CASZ1: variants seen among roughly 807,000 people sequenced by gnomAD.
CASZ1 encodes castor zinc finger 1.
CASZ1 carries 28 observed loss-of-function variants against 135.2 expected under a neutral mutation model. The observed-to-expected ratio is 0.21, with a 90% CI of 0.15 to 0.28. CASZ1 has a LOEUF of 0.28. CASZ1 is among the 10% of genes least tolerant of loss of function. The pLI, the probability that CASZ1 is intolerant of heterozygous loss-of-function variation, is 1.00. For missense variants in CASZ1, 2,161 were observed against 2,453.3 expected (o/e 0.88, Z 2.52); for synonymous variants, 1,068 against 1,073.4 (o/e 0.99, Z 0.10).
intron 4 of CASZ1, among the ~76,000 whole-genome samples, chr1:10,685,375 C>T (rs945149548): frequency 1.3e-5 from 2 of 152,250 alleles, no homozygotes; most frequent in African/African-American, 4.8e-5. Flanking sequence ...GCTGAAAAAC[C>T]TCGGCAGCTG....
chr1:10,769,815 C>G (rs570787825), intron 1 of CASZ1, among the ~76,000 whole-genome samples: 1 of 152,090 alleles, frequency 6.6e-6, no homozygotes, highest in African/African-American at 2.4e-5. Context: ...CCACACCTGG[C>G]CAGAAGTAAT....
intron 12 of CASZ1, 40 bp downstream of exon 12, chr1:10,650,901 T>G: frequency 6.2e-7 from 1 of 1,607,004 alleles, no homozygotes; most frequent in Non-Finnish European, 8.5e-7. Context: ...CTCGAAGGTG[T>G]GGTTCCCGGG....
rs114278457 is a variant in CASZ1, at chr1:10,719,835, G to A, written c.-76-14291C>T. On this transcript the variant is annotated intron_variant, in intron 2 of 20. Transcript: ENST00000377022. This position sits in a 1 kb window ranked among gnomAD's most constrained non-coding sequence, Gnocchi z 4.0. ...CAGGCCTGGAACAGGCACCTCCGGG[G>A]TTCAAAGGCCCACAGAAGCCACCGG... Among the ~76,000 whole-genome samples the A allele has an allele frequency of 0.029, 4,458 of 152,342 alleles. 228 individuals carry two copies. Among genetic ancestry groups the A allele is most frequent in the African/African-American group, 0.1 (4,208 of 41,576 alleles).
Position 10,756,179 on chromosome 1 carries a change from G to A in CASZ1, c.-77+4522C>T, listed in dbSNP as rs987258866. ...GAGAGCCCCACCACTCCCGCAAGCC[G>A]CTGCCAGCCTGCACTTCTGCTCTCT... On this transcript the variant is annotated intron_variant, in intron 2 of 20. Coordinates refer to ENST00000377022, the MANE Select transcript of CASZ1 (RefSeq NM_001079843.3). The surrounding 1 kb of genome is among the most constrained non-coding windows in gnomAD (Gnocchi z 5.9). Among the ~76,000 whole-genome samples, 41 of 152,112 alleles carry A rather than the reference G, an allele frequency of 2.7e-4. No individual in the cohort carries two copies. The highest frequency in any genetic ancestry group is 5.6e-4 in the Non-Finnish European group (38 of 68,008).
chr1:10,773,607 G>A (rs1420769520), intron 1 of CASZ1, among the ~76,000 whole-genome samples: 2 of 152,032 alleles, frequency 1.3e-5, no homozygotes, highest in African/African-American at 2.4e-5. Context: ...AGAAGGCCTC[G>A]GCCTTCTAGC....
At chr1:10,645,677 C>T (rs1376327910) in intron 17 of CASZ1, among the ~76,000 whole-genome samples, 2 of 152,234 alleles carry the variant, frequency 1.3e-5, no homozygotes, top group East Asian at 3.9e-4. Context: ...GCAGACATCA[C>T]TGCTCTATAC....
chr1:10,779,528 G>A (rs143861680), intron 1 of CASZ1, among the ~76,000 whole-genome samples: 53 of 152,180 alleles, frequency 3.5e-4, no homozygotes, highest in South Asian at 1.2e-3. Flanking sequence ...GGGCCGACAC[G>A]TTGGCTTTGT....
chr1:10,733,354 C>T (rs6540946), intron 2 of CASZ1, among the ~76,000 whole-genome samples: 7,254 of 152,212 alleles, frequency 0.048, 372 homozygotes, highest in African/African-American at 0.13. Flanking sequence ...GTCCGACCAG[C>T]TAAACCTCTG....
rs1638261272 is a variant in CASZ1 at position 10,677,520 on chromosome 1, C to T, written c.17-11949G>A. ...TGGCTGGACACGGAGCTAAGGAGGGCAGCCTGCACTTAGGTCCAACGCACC... is the reference window on the plus strand; with the variant it reads ...TGGCTGGACACGGAGCTAAGGAGGGTAGCCTGCACTTAGGTCCAACGCACC... On this transcript the variant is annotated intron_variant, in intron 4 of 20. Transcript: ENST00000377022. Among the ~76,000 whole-genome samples the T allele has an allele frequency of 3.9e-5, 6 of 152,140 alleles. No individual in the cohort carries two copies. The South Asian group carries it at 1.2e-3, about 32-fold the overall frequency.
intron 20 of CASZ1, among the ~76,000 whole-genome samples, chr1:10,641,539 T>A (rs1642202146): frequency 6.6e-6 from 1 of 152,218 alleles, no homozygotes; most frequent in African/African-American, 2.4e-5. Context: ...CCACAGAGAC[T>A]TCCCTTACTG....
At position 10,756,783 on chromosome 1, in the gene CASZ1, C is replaced by CGGTCA. The variant is rs2100567802; in HGVS notation, c.-77+3917_-77+3918insTGACC. Reference sequence around the variant, plus strand: ...AGCAGCGGCTGGAGGCTGAGCTGACCCCATGGAAATATGGGGGCTTCAGAC... The same window carrying CGGTCA: ...AGCAGCGGCTGGAGGCTGAGCTGACCGGTCACCATGGAAATATGGGGGCTTCAGAC... On this transcript the variant is annotated intron_variant, in intron 2 of 20. Transcript: ENST00000377022. This position sits in a 1 kb window ranked among gnomAD's most constrained non-coding sequence, Gnocchi z 5.9. Among the ~76,000 whole-genome samples, 1 of 152,206 alleles carries CGGTCA rather than the reference C, an allele frequency of 6.6e-6. No homozygotes were observed. The highest frequency in any genetic ancestry group is 2.1e-4 in the South Asian group (1 of 4,824).
At chr1:10,640,535 T>G (rs1054422386) in intron 20 of CASZ1, among the ~76,000 whole-genome samples, 4 of 152,240 alleles carry the variant, frequency 2.6e-5, no homozygotes, top group African/African-American at 9.6e-5. Flanking sequence ...TGCGCCTGTC[T>G]GCACAGGGGG....
Position 10,725,335 on chromosome 1 carries a change from T to C in CASZ1, c.-76-19791A>G, listed in dbSNP as rs982820620. ...CCGCTGCATGCGTGTGGCTGTCAGC[T>C]GAGCTCCCCTCCCGCCCTCCCTCTC... is the stretch of plus-strand genomic sequence containing the variant. On this transcript the variant is annotated intron_variant, in intron 2 of 20. Transcript: ENST00000377022. This position sits in a 1 kb window ranked among gnomAD's most constrained non-coding sequence, Gnocchi z 4.4. Among the ~76,000 whole-genome samples the C allele has an allele frequency of 6.6e-6, 1 of 152,224 alleles. No homozygotes were observed. The highest frequency in any genetic ancestry group is 1.5e-5 in the Non-Finnish European group (1 of 68,032).
rs772687764 is a variant in CASZ1 at position 10,646,087 on chromosome 1, G to T, written c.3696+41C>A. The T allele has an allele frequency of 1.3e-6, 2 of 1,594,828 alleles. No homozygotes were observed. Among genetic ancestry groups the T allele is most frequent in the African/African-American group, 2.7e-5 (2 of 74,628 alleles). ...CCCTGAGCTAGCCCTGCACCTCCCT[G>T]CCCCCTACTCTGCCCCTGCGCCGTG... On this transcript the variant is annotated intron_variant, in intron 17 of 20. Coordinates refer to ENST00000377022, the MANE Select transcript of CASZ1 (RefSeq NM_001079843.3). The surrounding 1 kb of genome is among the most constrained non-coding windows in gnomAD (Gnocchi z 6.4).
intron 2 of CASZ1, among the ~76,000 whole-genome samples, chr1:10,749,738 G>A (rs1467208502): frequency 6.6e-6 from 1 of 152,170 alleles, no homozygotes; most frequent in Non-Finnish European, 1.5e-5. Context: ...TGGGGAGCTG[G>A]GGTTGCGAGA....
At chr1:10,731,047 A>C (rs1639694267) in intron 2 of CASZ1, among the ~76,000 whole-genome samples, 1 of 151,954 alleles carries the variant, frequency 6.6e-6, no homozygotes, top group African/African-American at 2.4e-5. Flanking sequence ...CAGAAGTTGC[A>C]GTGAGCCAAC....
intron 1 of CASZ1, among the ~76,000 whole-genome samples, chr1:10,761,255 C>T (rs1266708771): frequency 6.6e-6 from 1 of 152,208 alleles, no homozygotes; most frequent in Non-Finnish European, 1.5e-5. Context: ...CAGATCAAAC[C>T]CATGCAACCA....
At position 10,694,938 on chromosome 1, in the gene CASZ1, C is replaced by G. The variant is rs1472676731; in HGVS notation, c.-23-1026G>C. 6.9e-6 allele frequency among the ~76,000 whole-genome samples: 1 copy of G among 143,922 alleles called. No homozygotes were observed. Among genetic ancestry groups the G allele is most frequent in the Non-Finnish European group, 1.5e-5 (1 of 64,924 alleles). 94.4% of individuals were successfully genotyped at this position (143,922 alleles called of 152,430 possible). On this transcript the variant is annotated intron_variant, in intron 3 of 20. Transcript: ENST00000377022. This position sits in a 1 kb window ranked among gnomAD's most constrained non-coding sequence, Gnocchi z 6.6. ...ATGCTGCCAGCGGCCGCTCGGGCCC[C>G]GCGAGCGCGACCGACGGCCGCCGCG...
intron 13 of CASZ1, 147 bp downstream of exon 13, chr1:10,650,545 G>C (rs568829768): frequency 1.5e-6 from 1 of 659,582 alleles, no homozygotes; most frequent in African/African-American, 1.8e-5. Context: ...AATTATATCC[G>C]ATGAAAAATG....
Sources: gnomAD v4.1 joint callset for allele counts (sites outside exome capture counted in the v4.1 genomes callset) on GRCh38, gnomAD v4.1.1 for gene constraint, Gnocchi (gnomAD v3.1) non-coding constraint, MANE v1.5 for transcripts, NCBI Gene and HGNC (gene_info 2026-07-23, HGNC 2026-07-21) for gene names.